Variants in IGSF11 observed in about 807,000 individuals in gnomAD.
IGSF11 encodes CXADR like 1.
IGSF11 carries 22 observed loss-of-function variants against 41.0 expected under a neutral mutation model. That is an observed-to-expected ratio of 0.54 (90% CI 0.38 to 0.77). The LOEUF (loss-of-function observed/expected upper bound fraction) is 0.77, where lower values mean the gene tolerates loss of function less well. IGSF11 is among the 30% of genes least tolerant of loss of function. IGSF11 has a pLI of 0.00. For missense variants in IGSF11, 444 were observed against 530.8 expected, an observed-to-expected ratio of 0.84 and a Z score of 1.61; for synonymous variants, 219 against 201.3, an observed-to-expected ratio of 1.09 and a Z score of -0.74.
At chr3:119,079,408 A>G (rs921145489) in intron 1 of IGSF11, among the ~76,000 whole-genome samples, 3 of 152,188 alleles carry the variant, frequency 2.0e-5, no homozygotes, top group Admixed American at 6.5e-5. Flanking sequence ...AATTGCAGAG[A>G]AAAAGGAATG....
chr3:118,957,527 T>C (rs1032222666), intron 1 of IGSF11, among the ~76,000 whole-genome samples: 1 of 152,226 alleles, frequency 6.6e-6, no homozygotes, highest in African/African-American at 2.4e-5. Flanking sequence ...GAGTTGTTAA[T>C]AGTATTCTCT....
intron 1 of IGSF11, among the ~76,000 whole-genome samples, chr3:119,129,967 A>G (rs1337587993): frequency 6.6e-6 from 1 of 152,218 alleles, no homozygotes; most frequent in South Asian, 2.1e-4. Flanking sequence ...TATGGGCAAC[A>G]GACCAAGACT....
chr3:119,073,616 C>T (rs1052977113), intron 1 of IGSF11, among the ~76,000 whole-genome samples: 24 of 152,158 alleles, frequency 1.6e-4, no homozygotes, highest in Non-Finnish European at 2.4e-4. Flanking sequence ...GCTGGGGGCC[C>T]GGCGCACGCT....
At chr3:118,933,133 C>A (rs1942987126) in intron 1 of IGSF11, among the ~76,000 whole-genome samples, 1 of 152,202 alleles carries the variant, frequency 6.6e-6, no homozygotes, top group Admixed American at 6.5e-5. Flanking sequence ...ATCCTAAAAT[C>A]TCACATTCTG....
intron 1 of IGSF11, among the ~76,000 whole-genome samples, chr3:119,115,959 G>A (rs1040867840): frequency 6.6e-6 from 1 of 152,128 alleles, no homozygotes; most frequent in South Asian, 2.1e-4. Flanking sequence ...ATATAATTAA[G>A]GTCCTACTTC....
chr3:118,927,695 G>T (rs1019286524), intron 3 of IGSF11, among the ~76,000 whole-genome samples: 1 of 152,164 alleles, frequency 6.6e-6, no homozygotes, highest in African/African-American at 2.4e-5. Flanking sequence ...TAGGATGGAG[G>T]AGAATCAAGA....
At chr3:119,073,602 C>T (rs1420230950) in intron 1 of IGSF11, among the ~76,000 whole-genome samples, 1 of 152,204 alleles carries the variant, frequency 6.6e-6, no homozygotes, top group African/African-American at 2.4e-5. Context: ...GGTGGGCCGG[C>T]AGTGCTGGGG....
chr3:119,105,910 T>G (rs770131965), upstream of IGSF11, among the ~76,000 whole-genome samples: 14 of 152,218 alleles, frequency 9.2e-5, no homozygotes, highest in Admixed American at 6.5e-4. Flanking sequence ...TTCTTTTTTA[T>G]ACTCCCCTTG....
At chr3:119,095,168 A>T (rs1431480832) in intron 1 of IGSF11, among the ~76,000 whole-genome samples, 1 of 152,216 alleles carries the variant, frequency 6.6e-6, no homozygotes, top group African/African-American at 2.4e-5. Context: ...AATCTAATAC[A>T]TACACACTTG....
chr3:119,045,413 A>G (rs987881527), intron 1 of IGSF11, among the ~76,000 whole-genome samples: 2 of 152,236 alleles, frequency 1.3e-5, no homozygotes, highest in African/African-American at 4.8e-5. Flanking sequence ...GGTCACTCCC[A>G]CCCGAATACT....
upstream of IGSF11, among the ~76,000 whole-genome samples, chr3:119,037,448 T>TCACTAC (rs1940959264): frequency 6.6e-6 from 1 of 152,070 alleles, no homozygotes; most frequent in African/African-American, 2.4e-5. Context: ...CCCACCATGA[T>TCACTAC]CACTACCACA....
intron 1 of IGSF11, among the ~76,000 whole-genome samples, chr3:119,027,975 T>C (rs1244125004): frequency 6.6e-6 from 1 of 152,176 alleles, no homozygotes; most frequent in African/African-American, 2.4e-5. Context: ...GCAGCCTCTG[T>C]TTTTGCCATG....
chr3:119,000,063 C>CTTTTTTTTTTTT (rs1297321950), intron 1 of IGSF11, among the ~76,000 whole-genome samples: 1 of 98,744 alleles, frequency 1.0e-5, no homozygotes, highest in African/African-American at 4.0e-5. Flanking sequence ...ATTCATTATT[C>CTTTTTTTTTTTT]TTTTTTTTTT....
chr3:119,004,905 G>C (rs1041655534), intron 1 of IGSF11, among the ~76,000 whole-genome samples: 42 of 152,190 alleles, frequency 2.8e-4, no homozygotes, highest in African/African-American at 1.0e-3. Context: ...TTTTGGAATA[G>C]GTGTGGTGTG....
At chr3:118,910,996 T>C (rs139609906) in intron 4 of IGSF11, among the ~76,000 whole-genome samples, 1 of 152,140 alleles carries the variant, frequency 6.6e-6, no homozygotes, top group Admixed American at 6.5e-5. Flanking sequence ...ATTTTCTCTT[T>C]ATATCTGTCT....
chr3:118,913,394 A>C (rs1483071134), intron 4 of IGSF11, among the ~76,000 whole-genome samples: 1 of 152,186 alleles, frequency 6.6e-6, no homozygotes, highest in Non-Finnish European at 1.5e-5. Flanking sequence ...GATCTACAGA[A>C]CACCAAGTAC....
chr3:119,004,191 G>T (rs1937221093), intron 1 of IGSF11, among the ~76,000 whole-genome samples: 1 of 149,198 alleles, frequency 6.7e-6, no homozygotes, highest in Non-Finnish European at 1.5e-5. Context: ...TTTAGTCTTG[G>T]GAGAGTGTAT....
chr3:119,057,780 G>A (rs1941904521), intron 1 of IGSF11, among the ~76,000 whole-genome samples: 1 of 152,292 alleles, frequency 6.6e-6, no homozygotes, highest in East Asian at 1.9e-4. Flanking sequence ...CAGAGATACA[G>A]ACCAATGGAA....
chr3:119,041,953 A>G (rs1941132968), intron 1 of IGSF11, among the ~76,000 whole-genome samples: 1 of 152,242 alleles, frequency 6.6e-6, no homozygotes, highest in Admixed American at 6.5e-5. Flanking sequence ...TATACTGCAT[A>G]CCAAATATTG....
Sources: gnomAD v4.1 joint callset for allele counts (sites outside exome capture counted in the v4.1 genomes callset) on GRCh38, gnomAD v4.1.1 for gene constraint, MANE v1.5 for transcripts, NCBI Gene and HGNC (gene_info 2026-07-23, HGNC 2026-07-21) for gene names.